Variants in FSTL4 observed in about 807,000 individuals in gnomAD.
FSTL4 encodes follistatin like 4.
In FSTL4, 28 loss-of-function variants were observed where a neutral mutation model predicts 78.2. The observed-to-expected ratio is 0.36, with a 90% confidence interval of 0.27 to 0.49. FSTL4 has a LOEUF of 0.49. Ranked by LOEUF, FSTL4 falls within the 20% of genes least tolerant of loss-of-function variation. The pLI, the probability that FSTL4 is intolerant of heterozygous loss-of-function variation, is 0.98. For missense variants in FSTL4, 922 were observed against 1,084.9 expected, an observed-to-expected ratio of 0.85 and a Z score of 2.11; for synonymous variants, 422 against 440.5, an observed-to-expected ratio of 0.96 and a Z score of 0.53.
At chr5:133,679,321 C>T in the FSTL4 span, among the ~76,000 whole-genome samples, 5 of 152,238 alleles carry the variant, frequency 3.3e-5, no homozygotes, top group South Asian at 1.0e-3. Flanking sequence ...AGTGAGCCAC[C>T]CTTATCATTT....
the FSTL4 span, among the ~76,000 whole-genome samples, chr5:133,680,034 G>A: frequency 2.6e-5 from 4 of 152,280 alleles, no homozygotes; most frequent in East Asian, 7.7e-4. Flanking sequence ...ATGTCAGAGC[G>A]ATGGGCAGGT....
At chr5:133,647,038 A>T in the FSTL4 span, among the ~76,000 whole-genome samples, 1 of 152,280 alleles carries the variant, frequency 6.6e-6, no homozygotes, top group East Asian at 1.9e-4. Context: ...AGAAGTACAA[A>T]GCTGGGTCTT....
intron 2 of FSTL4, among the ~76,000 whole-genome samples, chr5:133,589,717 G>A (rs932436446): frequency 1.3e-5 from 2 of 152,036 alleles, no homozygotes; most frequent in African/African-American, 2.4e-5. Flanking sequence ...CTGATGTGAC[G>A]TTGTCTGCTT....
chr5:133,576,756 T>C (rs1392647112), intron 2 of FSTL4, among the ~76,000 whole-genome samples: 1 of 152,198 alleles, frequency 6.6e-6, no homozygotes, highest in African/African-American at 2.4e-5. Context: ...AACCAATTAG[T>C]ACAGATGAGA....
rs1024241850 is a variant in FSTL4 at position 133,611,551 on chromosome 5, C to T, written c.-11+774G>A. ...GGGCGGAGATCATCCACAGTGCAAGCTCTCTTAGGACCAAGCCCCCAGCCC... is the reference window on the plus strand; with the variant it reads ...GGGCGGAGATCATCCACAGTGCAAGTTCTCTTAGGACCAAGCCCCCAGCCC... On this transcript the variant is annotated intron_variant, in intron 1 of 15. Transcript: ENST00000265342. The surrounding 1 kb of genome is among the most constrained non-coding windows in gnomAD (Gnocchi z 4.9). Among the ~76,000 whole-genome samples, 2 of 152,202 alleles carry T rather than the reference C, an allele frequency of 1.3e-5. No homozygotes were observed. The highest frequency in any genetic ancestry group is 4.8e-5 in the African/African-American group (2 of 41,472).
the FSTL4 span, among the ~76,000 whole-genome samples, chr5:133,714,434 C>A: frequency 6.6e-6 from 1 of 152,154 alleles, no homozygotes; most frequent in African/African-American, 2.4e-5. Flanking sequence ...CGCTCTTAAC[C>A]CTGAAGCCCG....
the FSTL4 span, among the ~76,000 whole-genome samples, chr5:133,698,924 A>T: frequency 6.6e-6 from 1 of 152,228 alleles, no homozygotes; most frequent in African/African-American, 2.4e-5. Context: ...TTTGCTTTCT[A>T]TTCAGAGAAG....
chr5:133,760,665 C>A, the FSTL4 span, among the ~76,000 whole-genome samples: 1 of 152,180 alleles, frequency 6.6e-6, no homozygotes, highest in Non-Finnish European at 1.5e-5. Context: ...AGGCAGGTGA[C>A]TTCTGCTTGC....
the FSTL4 span, among the ~76,000 whole-genome samples, chr5:133,767,561 G>T: frequency 2.6e-5 from 4 of 152,182 alleles, no homozygotes; most frequent in Non-Finnish European, 5.9e-5. Flanking sequence ...TTTGAGCCTG[G>T]AGGTAGCATG....
chr5:133,651,069 T>C, the FSTL4 span, among the ~76,000 whole-genome samples: 64 of 152,228 alleles, frequency 4.2e-4, 1 homozygote, highest in African/African-American at 1.4e-3. Context: ...CAATCGACAC[T>C]TGTGTTTTAA....
chr5:133,457,192 C>G (rs1757509178), intron 3 of FSTL4, among the ~76,000 whole-genome samples: 1 of 152,108 alleles, frequency 6.6e-6, no homozygotes, highest in Admixed American at 6.5e-5. Context: ...TTTATCTATT[C>G]CCTCCCTGTG....
At chr5:133,811,367 G>C in the FSTL4 span, among the ~76,000 whole-genome samples, 2 of 152,048 alleles carry the variant, frequency 1.3e-5, no homozygotes, top group South Asian at 4.2e-4. Context: ...CTCAGGACTT[G>C]CCTCTTCCAT....
At chr5:133,689,051 G>A in the FSTL4 span, among the ~76,000 whole-genome samples, 3 of 152,050 alleles carry the variant, frequency 2.0e-5, no homozygotes, top group East Asian at 3.8e-4. Context: ...CCCCAAGCAG[G>A]GCCCTGCAGC....
chr5:133,724,669 G>A, the FSTL4 span, among the ~76,000 whole-genome samples: 7 of 151,970 alleles, frequency 4.6e-5, no homozygotes, highest in Non-Finnish European at 5.9e-5. Context: ...CTCAATCTGC[G>A]GCTTGTTCAT....
chr5:133,822,761 G>A, the FSTL4 span, among the ~76,000 whole-genome samples: 4 of 151,740 alleles, frequency 2.6e-5, no homozygotes, highest in East Asian at 1.9e-4. Context: ...ATCCTTTTTC[G>A]GACCCACGAA....
At chr5:133,631,270 A>G in the FSTL4 span, among the ~76,000 whole-genome samples, 1 of 151,884 alleles carries the variant, frequency 6.6e-6, no homozygotes, top group Non-Finnish European at 1.5e-5. Flanking sequence ...GCTAATATCC[A>G]GAATCTACAA....
chr5:133,289,653 C>T (rs568163245), intron 6 of FSTL4, among the ~76,000 whole-genome samples: 1 of 152,192 alleles, frequency 6.6e-6, no homozygotes. Context: ...CACCTGTCTT[C>T]CAGCTTGCCC....
rs143036055 is a variant in FSTL4 at position 133,386,907 on chromosome 5, C to A, written c.409+13831G>T. On this transcript the variant is annotated intron_variant, in intron 4 of 15. Transcript: ENST00000265342. Reference sequence around the variant, plus strand: ...GGAGACAGCCACTGAAGTTCAAAGACAAGATGGGTGTAAATGTGATTCATT... The same window carrying A: ...GGAGACAGCCACTGAAGTTCAAAGAAAAGATGGGTGTAAATGTGATTCATT... Among the ~76,000 whole-genome samples, 207 of 152,262 alleles carry A rather than the reference C, an allele frequency of 1.4e-3. 2 individuals are homozygous for A. Among genetic ancestry groups the A allele is most frequent in the African/African-American group, 4.8e-3 (198 of 41,544 alleles).
chr5:133,568,799 A>C (rs1349358159), intron 2 of FSTL4, among the ~76,000 whole-genome samples: 1 of 152,216 alleles, frequency 6.6e-6, no homozygotes, highest in Non-Finnish European at 1.5e-5. Context: ...ATGGAACAGG[A>C]GATATTCATA....
Sources: allele counts gnomAD v4.1 joint callset (sites outside exome capture counted in the v4.1 genomes callset), GRCh38; gene constraint gnomAD v4.1.1; non-coding constraint Gnocchi (gnomAD v3.1); transcripts MANE v1.5; gene names NCBI Gene and HGNC (gene_info 2026-07-23, HGNC 2026-07-21).